The following GRM5 variants were observed in gnomAD, a reference collection of about 807,000 sequenced individuals.
The protein encoded by GRM5 is metabotropic glutamate receptor 5.
GRM5 carries 19 observed loss-of-function variants against 83.1 expected under a neutral mutation model. That is an observed-to-expected ratio of 0.23 (90% CI 0.16 to 0.34). The LOEUF (loss-of-function observed/expected upper bound fraction) is 0.34. GRM5 is among the 10% of genes least tolerant of loss of function. The pLI is 1.00. For synonymous variants in GRM5, 675 were observed against 633.6 expected (o/e 1.07, Z -0.98); for missense variants, 1,160 against 1,588.3 (o/e 0.73, Z 4.58).
At chr11:88,619,967 A>G (rs1938589369) in intron 4 of GRM5, among the ~76,000 whole-genome samples, 1 of 152,136 alleles carries the variant, frequency 6.6e-6, no homozygotes, top group Admixed American at 6.6e-5. Flanking sequence ...TATTTTGTGA[A>G]TCTACTCATT....
At chr11:89,003,154 A>G (rs1940435298) in intron 2 of GRM5, among the ~76,000 whole-genome samples, 3 of 152,320 alleles carry the variant, frequency 2.0e-5, no homozygotes, top group Non-Finnish European at 4.4e-5. Context: ...ATAATGTACC[A>G]GGCATAATTC....
At chr11:88,951,030 TAGGAA>T (rs1565306474) in intron 2 of GRM5, among the ~76,000 whole-genome samples, 1 of 152,202 alleles carries the variant, frequency 6.6e-6, no homozygotes, top group Non-Finnish European at 1.5e-5. Flanking sequence ...AAAATCAGTC[TAGGAA>T]TTTTTACTTG....
chr11:88,799,558 A>C (rs1440382072), intron 3 of GRM5, among the ~76,000 whole-genome samples: 1 of 152,118 alleles, frequency 6.6e-6, no homozygotes, highest in African/African-American at 2.4e-5. Flanking sequence ...GTAGACAATG[A>C]AATAAATAAT....
At chr11:88,653,089 C>T in intron 4 of GRM5, 79 bp downstream of exon 4, 1 of 843,446 alleles carries the variant, frequency 1.2e-6, no homozygotes, top group South Asian at 1.6e-5. Context: ...CATATTACAG[C>T]CACTATCCCC....
intron 2 of GRM5, among the ~76,000 whole-genome samples, chr11:88,926,472 T>A (rs1211739850): frequency 6.6e-6 from 1 of 152,184 alleles, no homozygotes; most frequent in Non-Finnish European, 1.5e-5. Flanking sequence ...AACTTACGTA[T>A]ATATCTACTG....
chr11:88,690,447 A>T (rs1271201980), intron 3 of GRM5, among the ~76,000 whole-genome samples: 1 of 152,184 alleles, frequency 6.6e-6, no homozygotes, highest in Non-Finnish European at 1.5e-5. Context: ...TATTATGCAC[A>T]ACTCCCCAGT....
chr11:89,028,658 C>T (rs773086362), intron 2 of GRM5, among the ~76,000 whole-genome samples: 18 of 152,076 alleles, frequency 1.2e-4, no homozygotes, highest in Non-Finnish European at 1.9e-4. Flanking sequence ...TATCACATGA[C>T]GAAAGTGTTT....
chr11:88,846,206 T>G (rs1412346340), intron 3 of GRM5, among the ~76,000 whole-genome samples: 1 of 152,238 alleles, frequency 6.6e-6, no homozygotes, highest in Non-Finnish European at 1.5e-5. Context: ...AAAAACTAGT[T>G]GTTTCCAAGT....
At chr11:88,891,007 G>A (rs1247528400) in intron 2 of GRM5, among the ~76,000 whole-genome samples, 1 of 152,064 alleles carries the variant, frequency 6.6e-6, no homozygotes, top group Non-Finnish European at 1.5e-5. Context: ...AAAGCTACAG[G>A]TTTAAGCATG....
intron 3 of GRM5, among the ~76,000 whole-genome samples, chr11:88,673,885 C>T (rs1940254166): frequency 1.2e-4 from 4 of 33,406 alleles, no homozygotes; most frequent in Middle Eastern, 0.029. Flanking sequence ...GGATGTGACA[C>T]TATTTTGAAA....
At chr11:88,830,689 C>T (rs1943973821) in intron 3 of GRM5, among the ~76,000 whole-genome samples, 1 of 152,172 alleles carries the variant, frequency 6.6e-6, no homozygotes, top group South Asian at 2.1e-4. Flanking sequence ...GAGAGAGCTA[C>T]GTGAAGACAG....
At chr11:88,806,364 CT>C (rs571709331) in intron 3 of GRM5, among the ~76,000 whole-genome samples, 14 of 152,176 alleles carry the variant, frequency 9.2e-5, no homozygotes, top group African/African-American at 3.4e-4. Flanking sequence ...ATGGTGTGTT[CT>C]TTTTATTTTA....
chr11:88,605,066 G>A, intron 4 of GRM5, 102 bp from the exon 5 acceptor site: 1 of 891,086 alleles, frequency 1.1e-6, no homozygotes, highest in Non-Finnish European at 1.8e-6. Context: ...GAATGCACTG[G>A]AGCAATTTTA....
intron 3 of GRM5, among the ~76,000 whole-genome samples, chr11:88,659,316 A>G (rs1226932152): frequency 6.6e-6 from 1 of 152,190 alleles, no homozygotes; most frequent in Admixed American, 6.6e-5. Context: ...TTATCTTTAT[A>G]CGATCTCTCA....
chr11:88,925,745 C>A, intron 2 of GRM5: 1 of 453,658 alleles, frequency 2.2e-6, no homozygotes, highest in Non-Finnish European at 4.4e-6. Flanking sequence ...AACCACAACT[C>A]TACTAAAAAT....
At chr11:88,649,438 T>A (rs1300837799) in intron 4 of GRM5, among the ~76,000 whole-genome samples, 1 of 143,970 alleles carries the variant, frequency 6.9e-6, no homozygotes, top group Non-Finnish European at 1.5e-5. Flanking sequence ...ATGACATTTA[T>A]TATGTATTAT....
intron 2 of GRM5, chr11:88,984,855 C>G (rs751931870): frequency 2.9e-5 from 21 of 715,894 alleles, no homozygotes; most frequent in Admixed American, 4.0e-5. Flanking sequence ...CTAATTTCTT[C>G]AAATCTCAAG....
At chr11:88,986,196 A>G (rs1017460882) in intron 2 of GRM5, among the ~76,000 whole-genome samples, 2 of 152,204 alleles carry the variant, frequency 1.3e-5, no homozygotes, top group Non-Finnish European at 2.9e-5. Flanking sequence ...ACTAATATAT[A>G]CAACAACTAA....
intron 3 of GRM5, among the ~76,000 whole-genome samples, chr11:88,819,489 T>A (rs971458133): frequency 2.6e-5 from 4 of 152,238 alleles, no homozygotes; most frequent in African/African-American, 4.8e-5. Flanking sequence ...TGCACAGATT[T>A]TTCCCAGATA....
Sources: allele counts gnomAD v4.1 joint callset (sites outside exome capture counted in the v4.1 genomes callset), GRCh38; gene constraint gnomAD v4.1.1; transcripts MANE v1.5; gene names NCBI Gene and HGNC (gene_info 2026-07-23, HGNC 2026-07-21).